The following SPMIP3 variants were observed in gnomAD, a reference collection of about 807,000 sequenced individuals.
The protein encoded by SPMIP3 is protein SPMIP3.
the SPMIP3 span, among the ~76,000 whole-genome samples, chr1:244,362,751 G>C: frequency 6.6e-6 from 1 of 151,946 alleles, no homozygotes; most frequent in Non-Finnish European, 1.5e-5. Context: ...GATATGCAGA[G>C]TGCAAAATTC....
the SPMIP3 span, chr1:244,389,131 T>C: frequency 8.1e-7 from 1 of 1,233,324 alleles, no homozygotes; most frequent in Non-Finnish European, 1.2e-6. Context: ...ACTAAGTTAA[T>C]GGCAGCAGAA....
the SPMIP3 span, among the ~76,000 whole-genome samples, chr1:244,371,813 A>G: frequency 6.6e-6 from 1 of 152,224 alleles, no homozygotes. Context: ...TAAGAAAGCT[A>G]CGTGTCCCAC....
the SPMIP3 span, among the ~76,000 whole-genome samples, chr1:244,369,535 C>T: frequency 6.6e-5 from 10 of 152,036 alleles, no homozygotes; most frequent in South Asian, 6.2e-4. Context: ...AGGTTAAGAG[C>T]GGAGGTTTAA....
chr1:244,371,621 C>G, the SPMIP3 span, among the ~76,000 whole-genome samples: 1 of 152,194 alleles, frequency 6.6e-6, no homozygotes, highest in Non-Finnish European at 1.5e-5. Flanking sequence ...TAAGGAGCAG[C>G]GCTGAGTTTA....
At chr1:244,371,032 G>GGGCT in the SPMIP3 span, among the ~76,000 whole-genome samples, 1 of 152,116 alleles carries the variant, frequency 6.6e-6, no homozygotes, top group Non-Finnish European at 1.5e-5. Context: ...AGGCTACCTG[G>GGGCT]GGCTGTGGGG....
At chr1:244,360,197 T>C in the SPMIP3 span, among the ~76,000 whole-genome samples, 6 of 152,174 alleles carry the variant, frequency 3.9e-5, no homozygotes, top group Admixed American at 2.0e-4. Flanking sequence ...AAATGTCTTT[T>C]ATCCAAAAGC....
chr1:244,365,212 C>G, the SPMIP3 span, among the ~76,000 whole-genome samples: 1 of 152,234 alleles, frequency 6.6e-6, no homozygotes, highest in Non-Finnish European at 1.5e-5. Flanking sequence ...ACACCAGGAA[C>G]TATAGAGAAA....
At chr1:244,373,118 C>T in the SPMIP3 span, among the ~76,000 whole-genome samples, 22 of 151,706 alleles carry the variant, frequency 1.5e-4, no homozygotes, top group South Asian at 2.1e-3. Flanking sequence ...CAGCGGCTCG[C>T]ACCTGCAATC....
chr1:244,374,593 T>C, the SPMIP3 span, among the ~76,000 whole-genome samples: 1 of 131,708 alleles, frequency 7.6e-6, no homozygotes, highest in South Asian at 2.5e-4. Context: ...TTCTCTTTTT[T>C]TTTTTTTTTT....
the SPMIP3 span, among the ~76,000 whole-genome samples, chr1:244,383,199 T>C: frequency 3.3e-5 from 5 of 152,022 alleles, no homozygotes; most frequent in Non-Finnish European, 7.4e-5. Context: ...GAAGCAAAAA[T>C]AGACACAAGA....
chr1:244,363,720 C>T, the SPMIP3 span, among the ~76,000 whole-genome samples: 1 of 152,198 alleles, frequency 6.6e-6, no homozygotes, highest in Non-Finnish European at 1.5e-5. Flanking sequence ...GAATTTGAAC[C>T]CTGGGACACA....
At chr1:244,385,039 T>A in the SPMIP3 span, among the ~76,000 whole-genome samples, 4 of 152,070 alleles carry the variant, frequency 2.6e-5, no homozygotes, top group African/African-American at 7.2e-5. Flanking sequence ...GTAGCTGGGA[T>A]TACAGGCACC....
chr1:244,387,976 G>A, the SPMIP3 span, among the ~76,000 whole-genome samples: 1 of 151,664 alleles, frequency 6.6e-6, no homozygotes, highest in Non-Finnish European at 1.5e-5. Flanking sequence ...TGCCCAGGCT[G>A]GAGTGCAATG....
At chr1:244,385,237 G>A in the SPMIP3 span, among the ~76,000 whole-genome samples, 3 of 152,174 alleles carry the variant, frequency 2.0e-5, no homozygotes, top group Non-Finnish European at 4.4e-5. Flanking sequence ...GGTATGTCTA[G>A]ATTAGCAAGG....
chr1:244,357,956 C>T, the SPMIP3 span, among the ~76,000 whole-genome samples: 16 of 152,144 alleles, frequency 1.1e-4, no homozygotes, highest in East Asian at 7.7e-4. Context: ...AGTGTGGTGG[C>T]ATGCACCTGC....
At chr1:244,376,598 C>T in the SPMIP3 span, 1 of 152,182 alleles carries the variant, frequency 6.6e-6, no homozygotes, top group Admixed American at 6.5e-5. Flanking sequence ...AGATCTACAT[C>T]AAAGTGGGAC....
the SPMIP3 span, among the ~76,000 whole-genome samples, chr1:244,354,139 G>A: frequency 5.9e-5 from 9 of 152,068 alleles, no homozygotes; most frequent in East Asian, 1.7e-3. Flanking sequence ...TATTCTACAA[G>A]GTTCCATTGA....
At chr1:244,364,265 C>T in the SPMIP3 span, among the ~76,000 whole-genome samples, 10 of 151,950 alleles carry the variant, frequency 6.6e-5, no homozygotes, top group East Asian at 1.9e-4. Flanking sequence ...CCACCAGGCC[C>T]GGCTACTTTT....
chr1:244,382,213 T>A, the SPMIP3 span, among the ~76,000 whole-genome samples: 4 of 97,748 alleles, frequency 4.1e-5, no homozygotes, highest in Non-Finnish European at 2.1e-5. Flanking sequence ...CATAGCCAAG[T>A]GCATTTTTTT....
Sources: gnomAD v4.1 joint callset for allele counts (sites outside exome capture counted in the v4.1 genomes callset) on GRCh38, gnomAD v4.1.1 for gene constraint, MANE v1.5 for transcripts, NCBI Gene and HGNC (gene_info 2026-07-23, HGNC 2026-07-21) for gene names.